Variants in A1CF observed in about 807,000 individuals in gnomAD.
The protein encoded by A1CF is APOBEC1 complementation factor, also known as APOBEC-1 stimulating protein.
In A1CF, 48 loss-of-function variants were observed where a neutral mutation model predicts 68.9. That is an observed-to-expected ratio of 0.70 (90% CI 0.55 to 0.89). A1CF has a LOEUF of 0.89. A1CF is among the 40% of genes least tolerant of loss of function. The pLI is 0.00. For synonymous variants in A1CF, 272 were observed against 260.4 expected (o/e 1.04, Z -0.43); for missense variants, 653 against 718.9 (o/e 0.91, Z 1.05).
At chr10:50,851,879 T>C (rs1011830748) in intron 3 of A1CF, among the ~76,000 whole-genome samples, 2 of 152,224 alleles carry the variant, frequency 1.3e-5, no homozygotes, top group Admixed American at 1.3e-4. Context: ...CCTATACAAA[T>C]TCATGATTGC....
At chr10:50,845,457 T>A (rs542502572) in intron 3 of A1CF, among the ~76,000 whole-genome samples, 1 of 152,342 alleles carries the variant, frequency 6.6e-6, no homozygotes, top group Non-Finnish European at 1.5e-5. Context: ...CATTACTTAA[T>A]GTCATGGGTT....
rs539138272 is a variant in A1CF, at chr10:50,869,115, C to T, written c.-93-5035G>A. The stretch of plus-strand genomic sequence containing the variant: ...CAAGTTCACCTGTGTAATAAATCTG[C>T]ACTTGTATCCCTGAACTTAAAAAAA... On this transcript the variant is annotated intron_variant, in intron 1 of 12. Coordinates refer to ENST00000373997, the MANE Select transcript of A1CF (RefSeq NM_014576.4). Among the ~76,000 whole-genome samples, 194 of 152,066 alleles carry T rather than the reference C, an allele frequency of 1.3e-3. 1 individual carries two copies. Among genetic ancestry groups the T allele is most frequent in the African/African-American group, 4.5e-3 (188 of 41,482 alleles).
At chr10:50,817,299 G>T (rs1588971969) in intron 8 of A1CF, among the ~76,000 whole-genome samples, 1 of 152,186 alleles carries the variant, frequency 6.6e-6, no homozygotes, top group Non-Finnish European at 1.5e-5. Flanking sequence ...TTTATGTAAA[G>T]TGTTTCTACA....
intron 7 of A1CF, 38 bp downstream of exon 7, chr10:50,828,093 G>T (rs1158843362): frequency 6.8e-7 from 1 of 1,461,870 alleles, no homozygotes; most frequent in South Asian, 1.5e-5. Context: ...CCAGGACAAA[G>T]AATGTTTTGA....
In A1CF at chr10:50,820,555, G is replaced by C. The variant is rs779505003; in HGVS notation, c.864C>G (p.Gly288=). The C allele has an allele frequency of 2.5e-6, 4 of 1,612,074 alleles. No homozygotes were observed. Among genetic ancestry groups the C allele is most frequent in the Non-Finnish European group, 3.4e-6 (4 of 1,179,260 alleles). Reference sequence around the variant, plus strand: ...TTTTTTCTTTCTTCTACCTTACCTTGCCATTTAAAGCTTTCATAGCCTCAA... The same window carrying C: ...TTTTTTCTTTCTTCTACCTTACCTTCCCATTTAAAGCTTTCATAGCCTCAA... ...DAVEAMKALN[G]KVLDGSPIEV... The change falls in exon 8 of 13, where the codon GGC becomes GGG. Residue 288 remains glycine, a synonymous_variant. Coordinates refer to ENST00000373997, the MANE Select transcript of A1CF (RefSeq NM_014576.4).
chr10:50,850,146 T>TA (rs1411541650), intron 3 of A1CF, among the ~76,000 whole-genome samples: 2 of 152,166 alleles, frequency 1.3e-5, no homozygotes, highest in African/African-American at 4.8e-5. Flanking sequence ...ATTTTATCTT[T>TA]AAAAAATGTA....
intron 7 of A1CF, chr10:50,823,413 C>A (rs1047988923): frequency 3.3e-5 from 5 of 152,148 alleles, no homozygotes; most frequent in Non-Finnish European, 7.4e-5. Context: ...CCTCTGAAAT[C>A]ATGATGCAAG....
chr10:50,879,757 A>G (rs1841686942), intron 1 of A1CF, among the ~76,000 whole-genome samples: 1 of 152,192 alleles, frequency 6.6e-6, no homozygotes. Flanking sequence ...CCTAAGGATT[A>G]CAATTCAAGA....
At chr10:50,838,839 C>T (rs1276137839) in intron 5 of A1CF, among the ~76,000 whole-genome samples, 1 of 152,130 alleles carries the variant, frequency 6.6e-6, no homozygotes, top group Non-Finnish European at 1.5e-5. Context: ...TATTCTACCC[C>T]CTAATTTTTA....
intron 7 of A1CF, among the ~76,000 whole-genome samples, chr10:50,820,858 G>A (rs1275877680): frequency 6.6e-6 from 1 of 151,902 alleles, no homozygotes; most frequent in African/African-American, 2.4e-5. Flanking sequence ...ATTTGTTATG[G>A]ATTTGTGTCT....
intron 8 of A1CF, among the ~76,000 whole-genome samples, chr10:50,820,231 C>CTTT (rs1838583424): frequency 6.6e-6 from 1 of 152,114 alleles, no homozygotes; most frequent in South Asian, 2.1e-4. Flanking sequence ...ATGATAATCT[C>CTTT]TTTGAAGTAA....
Position 50,801,362 on chromosome 10 carries a change from A to C in A1CF, c.*5367T>G, listed in dbSNP as rs942161812. The C allele has an allele frequency of 1.3e-5, 2 of 152,234 alleles. No homozygotes were observed. Among genetic ancestry groups the C allele is most frequent in the African/African-American group, 4.8e-5 (2 of 41,458 alleles). The allele number at this position is 152,234 out of a possible 1,614,324, so 9.4% of individuals were successfully genotyped here. A position where few individuals can be genotyped will look rare whatever the true frequency, so the allele number is the denominator to read the frequency against. ...CAATTCTACAAAATTAAAAACAACAAGAAAACAACAACAACCCATAAAGAT... is the reference window on the plus strand; with the variant it reads ...CAATTCTACAAAATTAAAAACAACACGAAAACAACAACAACCCATAAAGAT... On this transcript the variant is annotated 3_prime_UTR_variant, in exon 13 of 13. Transcript: ENST00000373997.
At chr10:50,862,164 G>A (rs1196902753) in intron 2 of A1CF, among the ~76,000 whole-genome samples, 2 of 151,886 alleles carry the variant, frequency 1.3e-5, no homozygotes, top group Non-Finnish European at 2.9e-5. Context: ...TCAGGAGTTC[G>A]AGACCAGCCT....
At chr10:50,877,780 C>T (rs1023453418) in intron 1 of A1CF, among the ~76,000 whole-genome samples, 1 of 152,294 alleles carries the variant, frequency 6.6e-6, no homozygotes, top group East Asian at 1.9e-4. Flanking sequence ...TCATTCTCTA[C>T]TAATTTAGAA....
intron 12 of A1CF, among the ~76,000 whole-genome samples, chr10:50,809,576 A>G (rs1039989481): frequency 2.0e-5 from 3 of 152,166 alleles, no homozygotes; most frequent in African/African-American, 7.2e-5. Flanking sequence ...TAAACATCAT[A>G]TATCTATAGG....
chr10:50,857,646 C>T (rs188106613), intron 3 of A1CF, among the ~76,000 whole-genome samples: 1 of 152,158 alleles, frequency 6.6e-6, no homozygotes, highest in African/African-American at 2.4e-5. Flanking sequence ...ATGTGTATTC[C>T]CTGCCTTTGT....
In A1CF at chr10:50,808,526, A is replaced by T. The variant is rs1485312452; in HGVS notation, c.1609+1368T>A. On this transcript the variant is annotated intron_variant, in intron 12 of 12. Coordinates refer to ENST00000373997, the MANE Select transcript of A1CF (RefSeq NM_014576.4). ...TAGGAACTGAGAAGCCCTGGCAGGC[A>T]TCCTGAGTAAATGGACATGTAAACA... Among the ~76,000 whole-genome samples, 3 of 152,342 alleles carry T rather than the reference A, an allele frequency of 2.0e-5. No homozygotes were observed. The South Asian group carries it at 6.2e-4, about 32-fold the overall frequency.
At chr10:50,838,774 T>G (rs1040691309) in intron 5 of A1CF, among the ~76,000 whole-genome samples, 1 of 152,172 alleles carries the variant, frequency 6.6e-6, no homozygotes, top group Non-Finnish European at 1.5e-5. Context: ...CAAGGCAGAG[T>G]GCAAGTAGGT....
intron 6 of A1CF, among the ~76,000 whole-genome samples, chr10:50,833,295 A>G (rs1588994407): frequency 6.6e-6 from 1 of 152,346 alleles, no homozygotes; most frequent in East Asian, 1.9e-4. Flanking sequence ...CACCAGACCT[A>G]CTGAATCAAG....
Sources: allele counts gnomAD v4.1 joint callset (sites outside exome capture counted in the v4.1 genomes callset), GRCh38; gene constraint gnomAD v4.1.1; transcripts MANE v1.5; gene names NCBI Gene and HGNC (gene_info 2026-07-23, HGNC 2026-07-21).